OIT3: variants seen among roughly 807,000 people sequenced by gnomAD.
The protein encoded by OIT3 is oncoprotein-induced transcript 3 protein.
In OIT3, 41 loss-of-function variants were observed where a neutral mutation model predicts 52.2. The ratio of observed to expected loss-of-function variants is 0.79; its 90% CI spans 0.61 to 1.02. The LOEUF is 1.02. Ranked by LOEUF, OIT3 falls within the 50% of genes least tolerant of loss-of-function variation. The probability of loss-of-function intolerance (pLI) is 0.00; values close to 1 mark genes in which losing one functional copy is unlikely to be tolerated. For synonymous variants in OIT3, 244 were observed against 276.9 expected, an observed-to-expected ratio of 0.88 and a Z score of 1.18; for missense variants, 634 against 715.5, an observed-to-expected ratio of 0.89 and a Z score of 1.30.
At chr10:72,895,039 T>C (rs925172980) in intron 1 of OIT3, among the ~76,000 whole-genome samples, 4 of 152,154 alleles carry the variant, frequency 2.6e-5, no homozygotes, top group African/African-American at 9.7e-5. Context: ...CAGGTATCAA[T>C]AGTGGGTCAT....
chr10:72,903,133 T>C (rs1469397473), intron 3 of OIT3, among the ~76,000 whole-genome samples: 1 of 152,180 alleles, frequency 6.6e-6, no homozygotes, highest in East Asian at 1.9e-4. Context: ...TTTTAAATTA[T>C]ATAATTTGTT....
chr10:72,925,762 A>G (rs1846164697), intron 7 of OIT3, among the ~76,000 whole-genome samples: 1 of 152,044 alleles, frequency 6.6e-6, no homozygotes, highest in Non-Finnish European at 1.5e-5. Context: ...TATGCGCACG[A>G]CCATGCCCAG....
At chr10:72,911,939 CT>C in intron 5 of OIT3, 100 bp downstream of exon 5, 2 of 1,056,030 alleles carry the variant, frequency 1.9e-6, no homozygotes, top group Non-Finnish European at 2.7e-6. Flanking sequence ...GGGTTCTCAT[CT>C]TTTAGAACAA....
chr10:72,915,337 A>G (rs1053981810), intron 6 of OIT3, among the ~76,000 whole-genome samples: 1 of 152,198 alleles, frequency 6.6e-6, no homozygotes, highest in African/African-American at 2.4e-5. Flanking sequence ...GATTCTTGTT[A>G]TTCACAGTAG....
Position 72,924,285 on chromosome 10 carries a change from C to G in OIT3, c.1008C>G (p.Thr336=). ...SNLVTGLPKQ[T]PGSSGDFIIR... is the part of the protein sequence containing the mutation. Reference sequence around the variant, plus strand: ...TCGTGACAGGTCTACCCAAGCAGACCCCGGGGAGCAGCGGGGACTTCATCA... The same window carrying G: ...TCGTGACAGGTCTACCCAAGCAGACGCCGGGGAGCAGCGGGGACTTCATCA... The change falls in exon 7 of 9, where the codon ACC becomes ACG. Residue 336 remains threonine (T), a synonymous_variant. Coordinates refer to ENST00000334011, the MANE Select transcript of OIT3 (RefSeq NM_152635.3). 6.2e-7 allele frequency: 1 copy of G among 1,613,592 alleles called. No individual in the cohort carries two copies. The highest frequency in any genetic ancestry group is 2.2e-5 in the East Asian group (1 of 44,882).
chr10:72,924,414 C>G lies in OIT3; in HGVS notation c.1137C>G (p.Ile379Met). Residue 379 changes from isoleucine (I) to methionine (M), a missense_variant, in exon 7 of 9, where the codon ATC becomes ATG. Ile to Met is a conservative substitution (Grantham distance 10, BLOSUM62 1). Transcript: ENST00000334011. ...ACCTTCGAAACTCCCCACTGGAAATCATGAGCCGAAATCATGGGATCTTCC... is the reference window on the plus strand; with the variant it reads ...ACCTTCGAAACTCCCCACTGGAAATGATGAGCCGAAATCATGGGATCTTCC... ...VPNLRNSPLE[I>M]MSRNHGIFPF... The G allele has an allele frequency of 1.9e-6, 3 of 1,614,122 alleles. 1 individual carries two copies. Among genetic ancestry groups the G allele is most frequent in the Non-Finnish European group, 1.7e-6 (2 of 1,179,958 alleles).
chr10:72,930,646 A>C lies in OIT3; in HGVS notation c.1467+9A>C. Reference sequence around the variant, plus strand: ...TGGGCAAAGACCACAAGGTGAGTTGAACATCTTTAATTTATAACCCCTGAA... The same window carrying C: ...TGGGCAAAGACCACAAGGTGAGTTGCACATCTTTAATTTATAACCCCTGAA... On this transcript the variant is annotated intron_variant, in intron 8 of 8. Coordinates refer to ENST00000334011, the MANE Select transcript of OIT3 (RefSeq NM_152635.3). The C allele has an allele frequency of 6.5e-7, 1 of 1,537,852 alleles. No homozygotes were observed. The highest frequency in any genetic ancestry group is 9.0e-7 in the Non-Finnish European group (1 of 1,115,086).
chr10:72,898,202 A>G (rs1212146062), intron 1 of OIT3, among the ~76,000 whole-genome samples: 1 of 151,944 alleles, frequency 6.6e-6, no homozygotes, highest in Admixed American at 6.6e-5. Flanking sequence ...GGGGAGGATC[A>G]CTTGAGCCCA....
intron 6 of OIT3, among the ~76,000 whole-genome samples, chr10:72,921,781 C>G (rs1846124032): frequency 6.6e-6 from 1 of 151,282 alleles, no homozygotes; most frequent in African/African-American, 2.4e-5. Flanking sequence ...AAGCGATTCT[C>G]TTGCCTCAGC....
intron 1 of OIT3, among the ~76,000 whole-genome samples, chr10:72,895,556 G>C (rs1207447859): frequency 1.3e-5 from 2 of 152,172 alleles, no homozygotes; most frequent in African/African-American, 4.8e-5. Context: ...TGATGAGGGA[G>C]GAGGATGGAA....
chr10:72,916,475 TC>T (rs1271441411), intron 6 of OIT3, among the ~76,000 whole-genome samples: 5 of 152,194 alleles, frequency 3.3e-5, no homozygotes, highest in African/African-American at 1.2e-4. Flanking sequence ...GGCCTCCAGC[TC>T]CATCCACTCC....
At chr10:72,899,830 C>T (rs1845915980) in intron 2 of OIT3, among the ~76,000 whole-genome samples, 1 of 151,950 alleles carries the variant, frequency 6.6e-6, no homozygotes, top group African/African-American at 2.4e-5. Flanking sequence ...AAGTGATATA[C>T]AATGGGAAGA....
chr10:72,921,792 C>T (rs533292555), intron 6 of OIT3, among the ~76,000 whole-genome samples: 1 of 151,904 alleles, frequency 6.6e-6, no homozygotes, highest in Non-Finnish European at 1.5e-5. Flanking sequence ...TTGCCTCAGC[C>T]TCCCGAGTAG....
chr10:72,924,342 C>G lies in OIT3; in HGVS notation c.1065C>G (p.Thr355=). The G allele has an allele frequency of 1.9e-6, 3 of 1,614,174 alleles. No homozygotes were observed. Among genetic ancestry groups the G allele is most frequent in the Non-Finnish European group, 2.5e-6 (3 of 1,180,034 alleles). The part of the protein sequence containing the change: ...IRTSKLLIPV[T]CEFPRLYTIS... ...CCAGCAAGCTGCTGATCCCGGTGAC[C>G]TGCGAGTTTCCACGCCTGTACACCA... Residue 355 remains threonine (T), a synonymous_variant, in exon 7 of 9, where the codon ACC becomes ACG. Coordinates refer to ENST00000334011, the MANE Select transcript of OIT3 (RefSeq NM_152635.3).
chr10:72,923,175 C>A (rs991534453), intron 6 of OIT3, among the ~76,000 whole-genome samples: 1 of 152,202 alleles, frequency 6.6e-6, no homozygotes, highest in African/African-American at 2.4e-5. Context: ...CCGTGCCTGG[C>A]CTTTCCCCCC....
In OIT3 at chr10:72,913,454, G is replaced by T. The variant is rs749455103; in HGVS notation, c.937G>T (p.Gly313Cys). ...VNILFSLKTC[G>C]TVVDVVNDKI... ...CATCCTCTTCTCTCTCAAGACATGT[G>T]GTACAGTGGTCGATGTAGGTTCCTC... The change falls in exon 6 of 9, where the codon GGT becomes TGT. Residue 313 changes from glycine to cysteine, a missense_variant. By Grantham distance (159) the Gly-to-Cys change is radical. Coordinates refer to ENST00000334011, the MANE Select transcript of OIT3 (RefSeq NM_152635.3). 6.2e-7 allele frequency: 1 copy of T among 1,607,426 alleles called. No homozygotes were observed. Among genetic ancestry groups the T allele is most frequent in the Non-Finnish European group, 8.5e-7 (1 of 1,174,768 alleles).
Position 72,913,282 on chromosome 10 carries a change from C to G in OIT3, c.791-26C>G, listed in dbSNP as rs775457467. On this transcript the variant is annotated intron_variant, in intron 5 of 8. Transcript: ENST00000334011. ...TCCTCCCGATTCAGGTTTCCTGGCT[C>G]TAACAGTGGCCCTTTTTCTCTGCAG... is the stretch of plus-strand genomic sequence containing the variant. 1.9e-6 allele frequency: 3 copies of G among 1,550,892 alleles called. No homozygotes were observed. The East Asian group carries it at 6.8e-5, about 35-fold the overall frequency.
chr10:72,898,101 G>A (rs1845892636), intron 1 of OIT3, among the ~76,000 whole-genome samples: 2 of 147,660 alleles, frequency 1.4e-5, no homozygotes, highest in African/African-American at 5.1e-5. Context: ...TGGGCAAGAT[G>A]CCAAAACCCT....
chr10:72,911,988 C>G (rs1001778667), intron 5 of OIT3, 149 bp downstream of exon 5: 1 of 602,708 alleles, frequency 1.7e-6, no homozygotes, highest in Non-Finnish European at 2.7e-6. Context: ...AATCATCACT[C>G]TGGAATCATT....
Sources: gnomAD v4.1 joint callset for allele counts (sites outside exome capture counted in the v4.1 genomes callset) on GRCh38, gnomAD v4.1.1 for gene constraint, MANE v1.5 for transcripts, NCBI Gene and HGNC (gene_info 2026-07-23, HGNC 2026-07-21) for gene names.